Variants in PLSCR2 observed in about 807,000 individuals in gnomAD.
PLSCR2 encodes the protein PL scramblase 2.
A neutral mutation model predicts 25.3 loss-of-function variants in PLSCR2; 18 were observed. The observed-to-expected ratio is 0.71, with a 90% CI of 0.49 to 1.06. PLSCR2 has a LOEUF of 1.06. Ranked by LOEUF, PLSCR2 falls within the 50% of genes least tolerant of loss-of-function variation. The pLI, the probability that PLSCR2 is intolerant of heterozygous loss-of-function variation, is 0.00. For synonymous variants in PLSCR2, 88 were observed against 87.3 expected (o/e 1.01, Z -0.04); for missense variants, 243 against 269.5 (o/e 0.90, Z 0.69).
intron 2 of PLSCR2, among the ~76,000 whole-genome samples, chr3:146,410,458 C>A (rs2038808748): frequency 6.6e-6 from 1 of 152,162 alleles, no homozygotes; most frequent in Admixed American, 6.5e-5. Context: ...CACCTACAAC[C>A]TTCATGGTGC....
intron 2 of PLSCR2, among the ~76,000 whole-genome samples, chr3:146,414,947 A>C (rs943219742): frequency 7.9e-5 from 12 of 152,214 alleles, no homozygotes; most frequent in African/African-American, 1.4e-4. Context: ...TCCCATGAGA[A>C]GACTATTGCT....
intron 2 of PLSCR2, among the ~76,000 whole-genome samples, chr3:146,422,846 A>G (rs2039194575): frequency 6.6e-6 from 1 of 152,188 alleles, no homozygotes; most frequent in Middle Eastern, 3.4e-3. Flanking sequence ...TAATTCTCCA[A>G]ACATTAACTC....
intron 3 of PLSCR2, among the ~76,000 whole-genome samples, chr3:146,393,801 T>G (rs2038177217): frequency 1.2e-5 from 1 of 81,726 alleles, no homozygotes; most frequent in African/African-American, 4.2e-5. Flanking sequence ...CGACAGAGAC[T>G]CCGTCTCAAA....
At chr3:146,485,243 G>A (rs2043298879) in intron 1 of PLSCR2, among the ~76,000 whole-genome samples, 1 of 152,036 alleles carries the variant, frequency 6.6e-6, no homozygotes, top group Admixed American at 6.6e-5. Flanking sequence ...TCAACAAAAA[G>A]CACTAACAAT....
rs7621756 is a variant in PLSCR2, at chr3:146,458,047, A to G, written c.100+364T>C. 5.8e-3 allele frequency among the ~76,000 whole-genome samples: 876 copies of G among 152,294 alleles called. 9 individuals are homozygous for G. The highest frequency in any genetic ancestry group is 0.02 in the African/African-American group (835 of 41,576). On this transcript the variant is annotated intron_variant, in intron 3 of 6. Coordinates refer to ENST00000610787, the Ensembl canonical transcript of PLSCR2. ...TCTCTAGATTACTTATAATACACAA[A>G]CACAAGGTAAATGCTATGTAAAGAG...
At chr3:146,449,411 T>G (rs780524677) in intron 5 of PLSCR2, 44 bp from the exon 6 acceptor site, 1 of 1,393,464 alleles carries the variant, frequency 7.2e-7, no homozygotes, top group South Asian at 1.3e-5. Flanking sequence ...TCTAGAAAAC[T>G]TATAGCAAAA....
chr3:146,461,812 C>A (rs998901353), upstream of PLSCR2: 5 of 823,070 alleles, frequency 6.1e-6, no homozygotes, highest in African/African-American at 6.7e-5. Flanking sequence ...TGGATTTTAT[C>A]CCAGGTGTCA....
intron 2 of PLSCR2, chr3:146,416,568 C>T (rs936240451): frequency 1.3e-5 from 2 of 151,984 alleles, no homozygotes; most frequent in African/African-American, 2.4e-5. Context: ...CAACCAGGGT[C>T]GTAGGTCATA....
rs373028426 is a variant in PLSCR2 at position 146,493,018 on chromosome 3, G to A, written c.-293+2877C>T. ...ATACAAAAAAAAAGTCTCAAAGACC[G>A]TTACAAACACTTCTATGTACACATA... On this transcript the variant is annotated intron_variant, in intron 1 of 8. Coordinates refer to the PLSCR2 transcript ENST00000336685. Among the ~76,000 whole-genome samples, 82 of 151,592 alleles carry A rather than the reference G, an allele frequency of 5.4e-4. No individual in the cohort carries two copies. In the South Asian group the frequency reaches 0.01, roughly 19 times the overall value.
intron 1 of PLSCR2, among the ~76,000 whole-genome samples, chr3:146,471,574 T>G (rs1373652538): frequency 2.6e-5 from 4 of 151,718 alleles, no homozygotes; most frequent in Non-Finnish European, 5.9e-5. Flanking sequence ...TTCTTTTTTT[T>G]TTTTTTTTCT....
intron 1 of PLSCR2, among the ~76,000 whole-genome samples, chr3:146,477,023 G>A: frequency 6.6e-6 from 1 of 152,224 alleles, no homozygotes; most frequent in Admixed American, 6.5e-5. Context: ...ACTTTGTTAA[G>A]TGGGTCTCGG....
intron 2 of PLSCR2, among the ~76,000 whole-genome samples, chr3:146,416,853 C>A (rs1219290593): frequency 6.6e-6 from 1 of 152,140 alleles, no homozygotes; most frequent in Non-Finnish European, 1.5e-5. Context: ...CTAGTTAATA[C>A]AGTCATGATA....
intron 1 of PLSCR2, among the ~76,000 whole-genome samples, chr3:146,478,562 T>TA (rs1433049060): frequency 1.3e-5 from 2 of 151,928 alleles, no homozygotes; most frequent in South Asian, 2.1e-4. Flanking sequence ...AAAAAGAAAC[T>TA]AAAAAAAGCC....
At chr3:146,405,107 C>G (rs2038619644) in intron 2 of PLSCR2, among the ~76,000 whole-genome samples, 2 of 152,016 alleles carry the variant, frequency 1.3e-5, no homozygotes, top group African/African-American at 4.8e-5. Flanking sequence ...TCAAAATTCT[C>G]TCAGCCCTGA....
intron 6 of PLSCR2, among the ~76,000 whole-genome samples, chr3:146,444,402 C>T (rs561928929): frequency 6.6e-6 from 1 of 150,538 alleles, no homozygotes; most frequent in East Asian, 2.0e-4. Flanking sequence ...TCTATTTCTC[C>T]CTTTACCTCT....
At chr3:146,469,141 C>A (rs1388523587) in intron 1 of PLSCR2, 2 of 985,374 alleles carry the variant, frequency 2.0e-6, no homozygotes, top group Non-Finnish European at 2.4e-6. Flanking sequence ...TTAACCGTCC[C>A]TTCTAATAGC....
chr3:146,402,469 G>GT lies in PLSCR2; in HGVS notation c.101-6549dup, dbSNP rs796833368. ...TCTAACATACATTAAACATTCTGGT[G>GT]TTTTTTTTTTCTTTTTGAGATGGAG... On this transcript the variant is annotated intron_variant and NMD_transcript_variant, in intron 2 of 3. Transcript: ENST00000463633. 2.7e-3 allele frequency among the ~76,000 whole-genome samples: 409 copies of GT among 148,996 alleles called. 2 individuals are homozygous for GT. The highest frequency in any genetic ancestry group is 3.7e-3 in the African/African-American group (151 of 40,710).
intron 2 of PLSCR2, among the ~76,000 whole-genome samples, chr3:146,420,461 ATATG>A (rs2039110387): frequency 6.6e-6 from 1 of 152,010 alleles, no homozygotes; most frequent in Admixed American, 6.6e-5. Context: ...ACATATAAAT[ATATG>A]TGTTTTTAAT....
intron 1 of PLSCR2, among the ~76,000 whole-genome samples, chr3:146,479,290 A>G (rs778680503): frequency 2.0e-5 from 3 of 152,224 alleles, no homozygotes; most frequent in African/African-American, 2.4e-5. Context: ...TAAAAGACAC[A>G]GACTGGCAAA....
Sources: allele counts gnomAD v4.1 joint callset (sites outside exome capture counted in the v4.1 genomes callset), GRCh38; gene constraint gnomAD v4.1.1; transcripts MANE v1.5; gene names NCBI Gene and HGNC (gene_info 2026-07-23, HGNC 2026-07-21).